IQCM: variants seen among roughly 807,000 people sequenced by gnomAD.
IQCM encodes IQ domain-containing protein M.
A neutral mutation model predicts 57.6 loss-of-function variants in IQCM; 45 were observed. The ratio of observed to expected loss-of-function variants is 0.78; its 90% CI spans 0.62 to 1.00. IQCM has a LOEUF of 1.00. Among genes scored for constraint, IQCM ranks in the 50% least tolerant of loss-of-function variants. The probability of loss-of-function intolerance (pLI) is 0.00; values close to 1 mark genes in which losing one functional copy is unlikely to be tolerated. For synonymous variants in IQCM, 148 were observed against 158.9 expected, an observed-to-expected ratio of 0.93 and a Z score of 0.51; for missense variants, 468 against 511.6, an observed-to-expected ratio of 0.91 and a Z score of 0.82.
intron 8 of IQCM, among the ~76,000 whole-genome samples, chr4:149,601,275 T>C (rs1168938679): frequency 1.3e-5 from 2 of 152,014 alleles, no homozygotes. Context: ...GGACAACACA[T>C]AGAGTAGACA....
chr4:149,490,952 A>T (rs904314876), intron 12 of IQCM, among the ~76,000 whole-genome samples: 2 of 152,126 alleles, frequency 1.3e-5, no homozygotes, highest in African/African-American at 4.8e-5. Flanking sequence ...TAAGAGGAAG[A>T]TTAGTTTGGA....
intron 5 of IQCM, among the ~76,000 whole-genome samples, chr4:149,700,896 C>A (rs948087418): frequency 2.6e-5 from 4 of 151,942 alleles, no homozygotes; most frequent in African/African-American, 9.7e-5. Flanking sequence ...GCAAAAGAAA[C>A]ATAAAATCAT....
intron 7 of IQCM, among the ~76,000 whole-genome samples, chr4:149,654,121 G>T (rs1191344791): frequency 6.6e-6 from 1 of 152,190 alleles, no homozygotes; most frequent in Non-Finnish European, 1.5e-5. Context: ...AGTTAGGGAA[G>T]ATAATTTAGT....
At chr4:149,664,226 C>T (rs1054990764) in intron 7 of IQCM, among the ~76,000 whole-genome samples, 6 of 151,868 alleles carry the variant, frequency 4.0e-5, no homozygotes, top group Non-Finnish European at 7.4e-5. Flanking sequence ...AATTCTTTGT[C>T]TATATTTTTT....
At chr4:149,603,769 T>A (rs1754527045) in intron 8 of IQCM, among the ~76,000 whole-genome samples, 1 of 151,548 alleles carries the variant, frequency 6.6e-6, no homozygotes, top group African/African-American at 2.4e-5. Context: ...ACTGTATGAG[T>A]CTTTGTTGTC....
chr4:149,522,116 T>C (rs540648753), intron 12 of IQCM, among the ~76,000 whole-genome samples: 29 of 152,154 alleles, frequency 1.9e-4, no homozygotes, highest in Non-Finnish European at 3.7e-4. Context: ...TTCTGACATC[T>C]GATGCTAAGA....
chr4:149,507,088 T>C (rs759251515), intron 12 of IQCM, among the ~76,000 whole-genome samples: 6 of 152,166 alleles, frequency 3.9e-5, no homozygotes, highest in Non-Finnish European at 8.8e-5. Context: ...TCTTTTCTTG[T>C]CTACTGCCAG....
At chr4:149,404,237 C>T (rs1298442286) in intron 13 of IQCM, among the ~76,000 whole-genome samples, 1 of 151,940 alleles carries the variant, frequency 6.6e-6, no homozygotes, top group East Asian at 1.9e-4. Flanking sequence ...TAGAGGCAAC[C>T]CCAGCTGCCA....
At chr4:149,645,469 C>T (rs1168994518) in intron 7 of IQCM, among the ~76,000 whole-genome samples, 1 of 152,130 alleles carries the variant, frequency 6.6e-6, no homozygotes, top group Non-Finnish European at 1.5e-5. Context: ...TGAATTTTCA[C>T]AATGTCTTGG....
At chr4:149,484,761 C>A (rs1741286707) in intron 12 of IQCM, among the ~76,000 whole-genome samples, 1 of 151,944 alleles carries the variant, frequency 6.6e-6, no homozygotes, top group African/African-American at 2.4e-5. Context: ...GTGTGTTATA[C>A]TATTCTGTTA....
chr4:149,677,063 G>A (rs188840036), intron 7 of IQCM, among the ~76,000 whole-genome samples: 1 of 152,090 alleles, frequency 6.6e-6, no homozygotes, highest in East Asian at 1.9e-4. Flanking sequence ...CTGGCACCAA[G>A]TATGCAAAAA....
intron 7 of IQCM, among the ~76,000 whole-genome samples, chr4:149,667,551 A>T (rs1760846996): frequency 6.6e-6 from 1 of 152,076 alleles, no homozygotes; most frequent in South Asian, 2.1e-4. Context: ...CCTCCCCAGC[A>T]AGGGAACAAA....
intron 5 of IQCM, among the ~76,000 whole-genome samples, chr4:149,694,317 C>T (rs890039247): frequency 2.0e-5 from 3 of 148,500 alleles, no homozygotes; most frequent in Non-Finnish European, 4.5e-5. Context: ...CTCCGCCTCC[C>T]GGGTTCACGC....
At chr4:149,361,778 G>A (rs1471598979) in intron 13 of IQCM, among the ~76,000 whole-genome samples, 2 of 152,224 alleles carry the variant, frequency 1.3e-5, no homozygotes, top group Non-Finnish European at 2.9e-5. Context: ...CAGTGCAGAA[G>A]GGAAATGTGG....
rs544792352 is a variant in IQCM at position 149,622,486 on chromosome 4, G to C, written c.566-1242C>G. Among the ~76,000 whole-genome samples the C allele has an allele frequency of 2.0e-5, 3 of 152,166 alleles. No individual in the cohort carries two copies. In the South Asian group the frequency reaches 6.2e-4, roughly 32 times the overall value. ...GCCTCCTGAGTAGCTGGGACTACAG[G>C]CACCAGCCTCCACGCCCGGCTAATT... On this transcript the variant is annotated intron_variant, in intron 7 of 13. Transcript: ENST00000636793.
chr4:149,757,778 G>GA (rs1164586283), intron 2 of IQCM, among the ~76,000 whole-genome samples: 2 of 150,278 alleles, frequency 1.3e-5, no homozygotes, highest in Non-Finnish European at 2.9e-5. Flanking sequence ...TATTTCTGCA[G>GA]AAAAAATACA....
At position 149,691,464 on chromosome 4, in the gene IQCM, T is replaced by A. The variant is rs529544534; in HGVS notation, c.386-4996A>T. On this transcript the variant is annotated intron_variant, in intron 5 of 13. Coordinates refer to ENST00000636793, the MANE Select transcript of IQCM (RefSeq NM_001363507.2). ...AATAAAGCACTATTGCTACCTTCAATGGACAGCATAACAGTGAAAATCACT... is the reference window on the plus strand; with the variant it reads ...AATAAAGCACTATTGCTACCTTCAAAGGACAGCATAACAGTGAAAATCACT... 1.1e-4 allele frequency among the ~76,000 whole-genome samples: 16 copies of A among 152,172 alleles called. No individual in the cohort carries two copies. In the East Asian group the frequency reaches 2.3e-3, roughly 22 times the overall value.
chr4:149,537,712 A>G (rs1747438769), intron 12 of IQCM, among the ~76,000 whole-genome samples: 1 of 151,964 alleles, frequency 6.6e-6, no homozygotes, highest in Non-Finnish European at 1.5e-5. Context: ...TTGAAAGAAG[A>G]AAGAGAAAAT....
intron 13 of IQCM, among the ~76,000 whole-genome samples, chr4:149,384,407 C>A (rs984481870): frequency 5.3e-5 from 8 of 152,128 alleles, no homozygotes; most frequent in Admixed American, 4.6e-4. Context: ...TTCCTGCTCT[C>A]TTCTCCCATA....
Sources: allele counts gnomAD v4.1 joint callset (sites outside exome capture counted in the v4.1 genomes callset), GRCh38; gene constraint gnomAD v4.1.1; transcripts MANE v1.5; gene names NCBI Gene and HGNC (gene_info 2026-07-23, HGNC 2026-07-21).